Variants in CDH19 observed in about 807,000 individuals in gnomAD.
CDH19 encodes cadherin-19.
CDH19 carries 67 observed loss-of-function variants against 64.2 expected under a neutral mutation model. The observed-to-expected ratio is 1.04, with a 90% CI of 0.86 to 1.28. The LOEUF is 1.28. Among genes scored for constraint, CDH19 ranks in the 50% most tolerant of loss-of-function variants. CDH19 has a pLI of 0.00. For missense variants in CDH19, 1,030 were observed against 929.0 expected (o/e 1.11, Z -1.41); for synonymous variants, 346 against 319.3 (o/e 1.08, Z -0.89).
intron 8 of CDH19, among the ~76,000 whole-genome samples, chr18:66,533,224 A>ACACACACACC (rs1311051388): frequency 2.6e-5 from 4 of 151,880 alleles, no homozygotes; most frequent in African/African-American, 9.7e-5. Flanking sequence ...ACACACACAC[A>ACACACACACC]CACACACACA....
Position 66,505,144 on chromosome 18 carries a change from T to C in CDH19, c.1987A>G (p.Thr663Ala). 6.2e-7 allele frequency: 1 copy of C among 1,613,640 alleles called. No homozygotes were observed. ...CGAGTCTTGCGTTCCCGCATTATGGTACTACTCCTCAGCTCTGCTATATCA... is the reference window on the plus strand; with the variant it reads ...CGAGTCTTGCGTTCCCGCATTATGGCACTACTCCTCAGCTCTGCTATATCA... ...AFDIAELRSS[T>A]IMRERKTRKT... Residue 663 changes from threonine to alanine, a missense_variant, in exon 12 of 12, where the codon ACC (threonine) becomes GCC (alanine). By Grantham distance (58) the Thr-to-Ala change is moderately conservative. Coordinates refer to ENST00000262150, the MANE Select transcript of CDH19 (RefSeq NM_021153.4).
intron 9 of CDH19, among the ~76,000 whole-genome samples, chr18:66,529,479 G>A (rs1477402670): frequency 6.6e-6 from 1 of 150,516 alleles, no homozygotes; most frequent in South Asian, 2.1e-4. Flanking sequence ...AACATTTTAG[G>A]AATTTGAAAG....
intron 3 of CDH19, among the ~76,000 whole-genome samples, chr18:66,557,906 G>A (rs955402472): frequency 6.6e-6 from 1 of 151,598 alleles, no homozygotes; most frequent in Non-Finnish European, 1.5e-5. Flanking sequence ...TCTCATGAAG[G>A]GGTTCCCTAT....
intron 4 of CDH19, among the ~76,000 whole-genome samples, chr18:66,551,975 TA>T (rs1987360679): frequency 6.6e-6 from 1 of 151,780 alleles, no homozygotes. Context: ...AATACCCAAA[TA>T]TATCAAGGGC....
rs183335043 is a variant in CDH19 at position 66,527,391 on chromosome 18, G to A, written c.1458+2454C>T. On this transcript the variant is annotated intron_variant, in intron 9 of 11. Transcript: ENST00000262150. ...TATATGTGCATACATATATAACTAT[G>A]GAATAAAATCAAGAATCTCTGCTGT... 9.9e-5 allele frequency among the ~76,000 whole-genome samples: 15 copies of A among 151,854 alleles called. No individual in the cohort carries two copies. In the East Asian group the frequency reaches 2.9e-3, roughly 29 times the overall value.
chr18:66,577,457 C>T (rs531923997), intron 1 of CDH19, among the ~76,000 whole-genome samples: 1 of 151,818 alleles, frequency 6.6e-6, no homozygotes, highest in African/African-American at 2.4e-5. Flanking sequence ...TGAAAAAGTT[C>T]AAAAGGTGAA....
intron 9 of CDH19, 73 bp downstream of exon 9, chr18:66,529,767 GTATAA>G (rs976475157): frequency 4.3e-5 from 28 of 657,748 alleles, no homozygotes; most frequent in Non-Finnish European, 6.4e-5. Context: ...TAACAATATT[GTATAA>G]TATATGAAGA....
chr18:66,561,167 C>T (rs1240448827), intron 3 of CDH19, among the ~76,000 whole-genome samples: 2 of 152,008 alleles, frequency 1.3e-5, no homozygotes, highest in Non-Finnish European at 2.9e-5. Context: ...TCTCACACTC[C>T]ATGGAAGAAG....
chr18:66,566,639 C>G (rs1987922014), intron 3 of CDH19, among the ~76,000 whole-genome samples: 1 of 151,818 alleles, frequency 6.6e-6, no homozygotes, highest in Non-Finnish European at 1.5e-5. Flanking sequence ...TTCAACTTAC[C>G]AAATCAAAAG....
At chr18:66,582,780 C>G (rs1988463359) in intron 1 of CDH19, among the ~76,000 whole-genome samples, 1 of 151,338 alleles carries the variant, frequency 6.6e-6, no homozygotes, top group African/African-American at 2.4e-5. Context: ...CTAAGATATA[C>G]AGCAACAAGT....
chr18:66,600,762 C>T (rs9949244), intron 1 of CDH19, among the ~76,000 whole-genome samples: 21,885 of 151,644 alleles, frequency 0.14, 1,718 homozygotes, highest in East Asian at 0.25. Flanking sequence ...AACATCAATA[C>T]GCTTATTTAT....
intron 9 of CDH19, among the ~76,000 whole-genome samples, chr18:66,526,139 G>A (rs1986211850): frequency 1.3e-5 from 2 of 151,986 alleles, no homozygotes; most frequent in African/African-American, 4.8e-5. Flanking sequence ...ATGGAATATG[G>A]GGTAAAAATC....
chr18:66,576,676 A>T (rs1055200910), intron 1 of CDH19, among the ~76,000 whole-genome samples: 2 of 151,726 alleles, frequency 1.3e-5, no homozygotes, highest in Admixed American at 1.3e-4. Flanking sequence ...GAAACACACA[A>T]ATCTATAATT....
chr18:66,504,839 A>G lies in CDH19; in HGVS notation c.2292T>C (p.Phe764=). The stretch of plus-strand genomic sequence containing the variant: ...AATTATTTGACTGCACTGCAGAACC[A>G]AACATGCATGCTAATCTTTTAAAGC... ...GPRFKRLACM[F]GSAVQSNN The change falls in exon 12 of 12, where the codon TTT becomes TTC. Residue 764 remains phenylalanine, a synonymous_variant. Coordinates refer to ENST00000262150, the MANE Select transcript of CDH19 (RefSeq NM_021153.4). 1 of 1,605,738 alleles carries G rather than the reference A, an allele frequency of 6.2e-7. No individual in the cohort carries two copies. Among genetic ancestry groups the G allele is most frequent in the Non-Finnish European group, 8.5e-7 (1 of 1,173,276 alleles).
At chr18:66,561,991 G>A (rs1987740196) in intron 3 of CDH19, among the ~76,000 whole-genome samples, 1 of 151,828 alleles carries the variant, frequency 6.6e-6, no homozygotes, top group Non-Finnish European at 1.5e-5. Flanking sequence ...ATAAAAATAA[G>A]TTCAACACAA....
chr18:66,509,337 G>A, intron 10 of CDH19, 91 bp from the exon 11 acceptor site: 1 of 1,090,518 alleles, frequency 9.2e-7, no homozygotes, highest in Non-Finnish European at 1.3e-6. Flanking sequence ...ATAGTATAGA[G>A]ATATGATCAA....
chr18:66,527,045 A>ATGTGTGTG (rs1174272068), intron 9 of CDH19, among the ~76,000 whole-genome samples: 1 of 117,638 alleles, frequency 8.5e-6, no homozygotes, highest in African/African-American at 3.3e-5. Context: ...GTATATATAT[A>ATGTGTGTG]TATGTGTGTG....
Position 66,590,552 on chromosome 18 carries a change from A to G in CDH19, c.-113+13402T>C, listed in dbSNP as rs143536660. ...AAAAAAAAAAAAAGAAAATGCATGT[A>G]GAAGTTGGTTAACACTTATTTATAG... On this transcript the variant is annotated intron_variant, in intron 1 of 11. Transcript: ENST00000262150. Among the ~76,000 whole-genome samples, 260 of 151,844 alleles carry G rather than the reference A, an allele frequency of 1.7e-3. 2 individuals are homozygous for G. The highest frequency in any genetic ancestry group is 5.7e-3 in the African/African-American group (237 of 41,526).
At chr18:66,591,436 T>C (rs1326657622) in intron 1 of CDH19, among the ~76,000 whole-genome samples, 2 of 151,876 alleles carry the variant, frequency 1.3e-5, no homozygotes, top group Non-Finnish European at 2.9e-5. Context: ...GTCAGAACGA[T>C]TGAAAACGGG....
Sources: gnomAD v4.1 joint callset for allele counts (sites outside exome capture counted in the v4.1 genomes callset) on GRCh38, gnomAD v4.1.1 for gene constraint, MANE v1.5 for transcripts, NCBI Gene and HGNC (gene_info 2026-07-23, HGNC 2026-07-21) for gene names.